Variants in LPP observed in about 807,000 individuals in gnomAD.
The protein encoded by LPP is lipoma-preferred partner.
In LPP, 38 loss-of-function variants were observed where a neutral mutation model predicts 60.4. The observed-to-expected ratio is 0.63, with a 90% CI of 0.49 to 0.83. LPP has a LOEUF of 0.83. LPP is among the 40% of genes least tolerant of loss of function. The pLI, the probability that LPP is intolerant of heterozygous loss-of-function variation, is 0.00. For missense variants in LPP, 902 were observed against 783.6 expected (o/e 1.15, Z -1.80); for synonymous variants, 328 against 290.8 (o/e 1.13, Z -1.30).
Position 188,874,344 on chromosome 3 carries a change from G to A in LPP, c.1711-7G>A. 1 of 1,612,800 alleles carries A rather than the reference G, an allele frequency of 6.2e-7. No individual in the cohort carries two copies. ...TATGTCGTTTCCATCTGTCTTTACTGTTCTAGGATTGCGGTGGTCTCCTGT... is the reference window on the plus strand; with the variant it reads ...TATGTCGTTTCCATCTGTCTTTACTATTCTAGGATTGCGGTGGTCTCCTGT... On this transcript the variant is annotated splice_polypyrimidine_tract_variant and splice_region_variant and intron_variant, in intron 11 of 11. Transcript: ENST00000617246.
chr3:188,582,802 T>C (rs1029543345), intron 6 of LPP, among the ~76,000 whole-genome samples: 3 of 152,194 alleles, frequency 2.0e-5, no homozygotes, highest in Non-Finnish European at 4.4e-5. Flanking sequence ...ACCAGTTTCC[T>C]AAGCCAGAAG....
At chr3:188,658,041 A>G (rs1323673618) in intron 7 of LPP, among the ~76,000 whole-genome samples, 1 of 151,026 alleles carries the variant, frequency 6.6e-6, no homozygotes, top group Non-Finnish European at 1.5e-5. Context: ...TTATCAATCA[A>G]CACAGTGACA....
At chr3:188,723,949 G>T (rs1046709120) in intron 8 of LPP, among the ~76,000 whole-genome samples, 1 of 152,088 alleles carries the variant, frequency 6.6e-6, no homozygotes, top group Non-Finnish European at 1.5e-5. Context: ...AGAAAAATGA[G>T]AAGAGGAGAT....
chr3:188,824,627 T>A (rs1754891267), intron 9 of LPP, among the ~76,000 whole-genome samples: 1 of 152,134 alleles, frequency 6.6e-6, no homozygotes, highest in Non-Finnish European at 1.5e-5. Context: ...ACTCTAACTC[T>A]CCTTTAACCG....
intron 2 of LPP, among the ~76,000 whole-genome samples, chr3:188,243,238 A>G (rs2149486732): frequency 6.6e-6 from 1 of 152,340 alleles, no homozygotes; most frequent in South Asian, 2.1e-4. Flanking sequence ...CAGGAGTTAT[A>G]CCACACTGTA....
chr3:188,786,738 C>T (rs576652729), intron 9 of LPP, among the ~76,000 whole-genome samples: 16 of 152,192 alleles, frequency 1.1e-4, no homozygotes, highest in East Asian at 7.7e-4. Flanking sequence ...CCCTGGAATA[C>T]GATTTAGCAA....
At chr3:188,244,290 A>G (rs1389647546) in intron 2 of LPP, among the ~76,000 whole-genome samples, 1 of 152,232 alleles carries the variant, frequency 6.6e-6, no homozygotes, top group East Asian at 1.9e-4. Flanking sequence ...AACTTCTTTA[A>G]TGCTACCTGA....
intron 5 of LPP, among the ~76,000 whole-genome samples, chr3:188,518,991 A>G (rs1818153511): frequency 6.6e-6 from 1 of 152,170 alleles, no homozygotes; most frequent in South Asian, 2.1e-4. Flanking sequence ...CGTATTAGGC[A>G]AGATATGTTT....
chr3:188,513,155 G>T (rs1372320577), intron 5 of LPP, among the ~76,000 whole-genome samples: 1 of 152,088 alleles, frequency 6.6e-6, no homozygotes, highest in Non-Finnish European at 1.5e-5. Flanking sequence ...TATCTTTATA[G>T]GTATTTCAAT....
intron 7 of LPP, among the ~76,000 whole-genome samples, chr3:188,699,305 A>G (rs1367756407): frequency 6.6e-6 from 1 of 152,154 alleles, no homozygotes; most frequent in African/African-American, 2.4e-5. Flanking sequence ...CAGCCTAGAT[A>G]AAACCCTTGT....
At chr3:188,224,893 T>C (rs1717166640) in intron 1 of LPP, among the ~76,000 whole-genome samples, 1 of 152,112 alleles carries the variant, frequency 6.6e-6, no homozygotes, top group African/African-American at 2.4e-5. Context: ...CAACTCAACA[T>C]GAAATTCAGA....
chr3:188,609,078 A>G lies in LPP; in HGVS notation c.430-83A>G, dbSNP rs1399020653. 5 of 996,830 alleles carry G rather than the reference A, an allele frequency of 5.0e-6. No homozygotes were observed. The highest frequency in any genetic ancestry group is 5.1e-5 in the East Asian group (2 of 38,962). 61.7% of individuals were successfully genotyped at this position (996,830 alleles called of 1,614,324 possible). On this transcript the variant is annotated intron_variant, in intron 6 of 11. Transcript: ENST00000617246. The surrounding 1 kb of genome is among the most constrained non-coding windows in gnomAD (Gnocchi z 6.9). The stretch of plus-strand genomic sequence containing the variant: ...TAAATAATAATTAGCAGTTATTAAT[A>G]TTTTTCATTTATTCATTTTTATTGA...
intron 5 of LPP, among the ~76,000 whole-genome samples, chr3:188,498,547 A>G (rs1421154991): frequency 6.6e-6 from 1 of 152,314 alleles, no homozygotes; most frequent in South Asian, 2.1e-4. Context: ...TGTTCTGCTT[A>G]TCCGTTCTTG....
Position 188,763,715 on chromosome 3 carries a change from C to T in LPP, c.1410+3433C>T, listed in dbSNP as rs550833930. ...TTTAGTTTTACATTTAGATTACACACTTCATTTTAAAACCATTTGCCAGTC... is the reference window on the plus strand; with the variant it reads ...TTTAGTTTTACATTTAGATTACACATTTCATTTTAAAACCATTTGCCAGTC... On this transcript the variant is annotated intron_variant, in intron 9 of 11. Transcript: ENST00000617246. Among the ~76,000 whole-genome samples the T allele has an allele frequency of 2.4e-4, 37 of 152,110 alleles. 1 individual carries two copies. Among genetic ancestry groups the T allele is most frequent in the Admixed American group, 2.4e-3 (36 of 15,280 alleles).
chr3:188,454,410 G>A (rs1797272558), intron 4 of LPP, among the ~76,000 whole-genome samples: 3 of 152,136 alleles, frequency 2.0e-5, no homozygotes, highest in African/African-American at 7.2e-5. Context: ...TATTTTTAAG[G>A]ATTTTTCTGT....
intron 6 of LPP, among the ~76,000 whole-genome samples, chr3:188,554,379 C>T (rs1828968522): frequency 6.6e-6 from 1 of 152,140 alleles, no homozygotes; most frequent in South Asian, 2.1e-4. Flanking sequence ...CAAGATATGT[C>T]CTGTAAACAA....
chr3:188,423,296 T>G (rs1273196540), intron 4 of LPP, among the ~76,000 whole-genome samples: 2 of 152,338 alleles, frequency 1.3e-5, no homozygotes, highest in African/African-American at 4.8e-5. Context: ...TATGGCTGCA[T>G]AGTATTCCAT....
intron 5 of LPP, among the ~76,000 whole-genome samples, chr3:188,491,543 C>A (rs926456591): frequency 6.6e-6 from 1 of 152,022 alleles, no homozygotes; most frequent in Non-Finnish European, 1.5e-5. Flanking sequence ...TGTTTGTGAC[C>A]CTGACAGCAA....
chr3:188,166,342 T>G (rs1449075984), intron 1 of LPP, among the ~76,000 whole-genome samples: 1 of 152,152 alleles, frequency 6.6e-6, no homozygotes, highest in East Asian at 1.9e-4. Flanking sequence ...TGGCCTGTAG[T>G]TCATTCAGAG....
Sources: allele counts gnomAD v4.1 joint callset (sites outside exome capture counted in the v4.1 genomes callset), GRCh38; gene constraint gnomAD v4.1.1; non-coding constraint Gnocchi (gnomAD v3.1); transcripts MANE v1.5; gene names NCBI Gene and HGNC (gene_info 2026-07-23, HGNC 2026-07-21).